Variants in VWC2L observed in about 807,000 individuals in gnomAD.
The protein encoded by VWC2L is von Willebrand factor C domain-containing protein 2-like.
VWC2L carries 10 observed loss-of-function variants against 21.6 expected under a neutral mutation model. That is an observed-to-expected ratio of 0.46 (90% CI 0.29 to 0.78). The LOEUF (loss-of-function observed/expected upper bound fraction) is 0.78. VWC2L is among the 30% of genes least tolerant of loss of function. The pLI, the probability that VWC2L is intolerant of heterozygous loss-of-function variation, is 0.10. For synonymous variants in VWC2L, 96 were observed against 94.3 expected (o/e 1.02, Z -0.10); for missense variants, 209 against 277.1 (o/e 0.75, Z 1.74).
At chr2:214,562,407 G>T (rs1405857863) in intron 3 of VWC2L, among the ~76,000 whole-genome samples, 1 of 152,116 alleles carries the variant, frequency 6.6e-6, no homozygotes, top group African/African-American at 2.4e-5. Context: ...TAGGCATTTA[G>T]GTTGATTCCC....
At chr2:214,532,278 A>G (rs6729327) in intron 3 of VWC2L, among the ~76,000 whole-genome samples, 9,553 of 152,216 alleles carry the variant, frequency 0.063, 684 homozygotes, top group African/African-American at 0.18. Context: ...CATTATGACT[A>G]TTACTTGAGA....
At chr2:214,516,718 G>A (rs1242071674) in intron 3 of VWC2L, among the ~76,000 whole-genome samples, 2 of 151,694 alleles carry the variant, frequency 1.3e-5, no homozygotes, top group African/African-American at 4.8e-5. Flanking sequence ...ACTGCAACCA[G>A]AGGGTCTTCT....
chr2:214,512,680 G>A (rs1689075121), intron 3 of VWC2L, among the ~76,000 whole-genome samples: 1 of 151,132 alleles, frequency 6.6e-6, no homozygotes, highest in East Asian at 1.9e-4. Flanking sequence ...AAAAGAGTAG[G>A]TGGATGAATT....
At chr2:214,539,505 C>T (rs1689593464) in intron 3 of VWC2L, among the ~76,000 whole-genome samples, 1 of 152,092 alleles carries the variant, frequency 6.6e-6, no homozygotes, top group Admixed American at 6.6e-5. Context: ...AGGTCTGTTA[C>T]TGTGTGACTA....
intron 3 of VWC2L, among the ~76,000 whole-genome samples, chr2:214,476,464 C>G (rs576163505): frequency 2.0e-5 from 3 of 152,070 alleles, no homozygotes; most frequent in African/African-American, 7.2e-5. Context: ...GTACAAATGA[C>G]AATGATTGTG....
chr2:214,519,414 A>C (rs1689196478), intron 3 of VWC2L, among the ~76,000 whole-genome samples: 1 of 152,204 alleles, frequency 6.6e-6, no homozygotes, highest in Non-Finnish European at 1.5e-5. Context: ...ATGTCAATAT[A>C]ACGTAAATTG....
In VWC2L at chr2:214,576,516, C is replaced by T. The variant is rs888857591; in HGVS notation, c.*696C>T. ...CAAACCACACATTTCATATGGAAAACCTCGAAACTGCCAATCAAAATCTAT... is the reference window on the plus strand; with the variant it reads ...CAAACCACACATTTCATATGGAAAATCTCGAAACTGCCAATCAAAATCTAT... On this transcript the variant is annotated 3_prime_UTR_variant, in exon 4 of 4. Transcript: ENST00000312504. 2.0e-5 allele frequency: 3 copies of T among 152,100 alleles called. No homozygotes were observed. The highest frequency in any genetic ancestry group is 7.2e-5 in the African/African-American group (3 of 41,412). 9.4% of individuals were successfully genotyped at this position (152,100 alleles called of 1,614,324 possible). A position where few individuals can be genotyped will look rare whatever the true frequency, so the allele number is the denominator to read the frequency against.
chr2:214,500,847 T>G (rs1381099108), intron 3 of VWC2L, among the ~76,000 whole-genome samples: 2 of 152,160 alleles, frequency 1.3e-5, no homozygotes, highest in Non-Finnish European at 2.9e-5. Context: ...AAAGGCCTAT[T>G]GCTCTGTTAA....
chr2:214,453,147 G>A (rs1256236899), intron 3 of VWC2L, among the ~76,000 whole-genome samples: 1 of 151,814 alleles, frequency 6.6e-6, no homozygotes, highest in Admixed American at 6.6e-5. Context: ...CCTAACTCTT[G>A]GTCAAAAAAA....
At chr2:214,575,328 C>T (rs1349528780) in intron 3 of VWC2L, among the ~76,000 whole-genome samples, 3 of 152,122 alleles carry the variant, frequency 2.0e-5, no homozygotes, top group African/African-American at 7.2e-5. Flanking sequence ...TCAGAGCATA[C>T]GCTGGCAGCC....
chr2:214,492,533 G>C (rs188072155), intron 3 of VWC2L, among the ~76,000 whole-genome samples: 1 of 152,284 alleles, frequency 6.6e-6, no homozygotes, highest in Admixed American at 6.5e-5. Context: ...AGAACCCAGA[G>C]ATGACAACCA....
chr2:214,453,273 G>T (rs554405098), intron 3 of VWC2L, among the ~76,000 whole-genome samples: 6 of 151,626 alleles, frequency 4.0e-5, no homozygotes, highest in African/African-American at 1.2e-4. Context: ...TGATTGAAGG[G>T]TTTTTTTTTA....
Position 214,511,485 on chromosome 2 carries a change from G to T in VWC2L, c.521-64187G>T, listed in dbSNP as rs542489439. Among the ~76,000 whole-genome samples the T allele has an allele frequency of 6.6e-5, 10 of 152,194 alleles. No homozygotes were observed. The East Asian group carries it at 1.7e-3, about 27-fold the overall frequency. On this transcript the variant is annotated intron_variant, in intron 3 of 3. Transcript: ENST00000312504. ...GTGGCCTTATAAGAAGAGGAAGAGA[G>T]AGAGAGATTTGGGACAATTTCTCCT... is the stretch of plus-strand genomic sequence containing the variant.
At chr2:214,461,304 AC>A (rs1284422332) in intron 3 of VWC2L, among the ~76,000 whole-genome samples, 5 of 152,048 alleles carry the variant, frequency 3.3e-5, no homozygotes, top group African/African-American at 4.8e-5. Context: ...AGGTCCTCAT[AC>A]CCCTGGGCAG....
chr2:214,535,676 C>T (rs1298614491), intron 3 of VWC2L, among the ~76,000 whole-genome samples: 1 of 152,014 alleles, frequency 6.6e-6, no homozygotes, highest in African/African-American at 2.4e-5. Context: ...GGGTATTGGT[C>T]TGACAGCCTG....
intron 3 of VWC2L, among the ~76,000 whole-genome samples, chr2:214,491,174 A>G (rs930158735): frequency 6.6e-6 from 1 of 152,162 alleles, no homozygotes; most frequent in Non-Finnish European, 1.5e-5. Flanking sequence ...AATTTTATGG[A>G]TTTCACTTCG....
At chr2:214,544,684 T>C (rs560594509) in intron 3 of VWC2L, among the ~76,000 whole-genome samples, 1 of 152,154 alleles carries the variant, frequency 6.6e-6, no homozygotes, top group Non-Finnish European at 1.5e-5. Flanking sequence ...CCCCTCTGAG[T>C]TCCAATTTGT....
At chr2:214,490,384 T>C (rs1688729725) in intron 3 of VWC2L, among the ~76,000 whole-genome samples, 1 of 151,872 alleles carries the variant, frequency 6.6e-6, no homozygotes, top group African/African-American at 2.4e-5. Flanking sequence ...TGATTCAGTG[T>C]AGATCATATG....
At chr2:214,514,155 A>G (rs1170828925) in intron 3 of VWC2L, among the ~76,000 whole-genome samples, 3 of 124,070 alleles carry the variant, frequency 2.4e-5, no homozygotes. Context: ...TTCATATCAA[A>G]GGTTTTTTTT....
Sources: gnomAD v4.1 joint callset for allele counts (sites outside exome capture counted in the v4.1 genomes callset) on GRCh38, gnomAD v4.1.1 for gene constraint, MANE v1.5 for transcripts, NCBI Gene and HGNC (gene_info 2026-07-23, HGNC 2026-07-21) for gene names.